The following KCNIP4 variants were observed in gnomAD, a reference collection of about 807,000 sequenced individuals.
KCNIP4 encodes potassium voltage-gated channel interacting protein 4.
In KCNIP4, 12 loss-of-function variants were observed where a neutral mutation model predicts 34.0. That is an observed-to-expected ratio of 0.35 (90% confidence interval 0.23 to 0.57). The LOEUF is 0.57. Ranked by LOEUF, KCNIP4 falls within the 20% of genes least tolerant of loss-of-function variation. The pLI is 0.83. For synonymous variants in KCNIP4, 124 were observed against 102.2 expected (o/e 1.21, Z -1.29); for missense variants, 238 against 311.7 (o/e 0.76, Z 1.78).
At chr4:21,701,205 T>C (rs1428588543) in intron 1 of KCNIP4, among the ~76,000 whole-genome samples, 1 of 152,094 alleles carries the variant, frequency 6.6e-6, no homozygotes, top group Non-Finnish European at 1.5e-5. Context: ...TCTAGAAAAG[T>C]TGAACTCATA....
intron 1 of KCNIP4, among the ~76,000 whole-genome samples, chr4:21,344,853 T>C (rs1042504047): frequency 1.3e-5 from 2 of 152,204 alleles, no homozygotes. Flanking sequence ...CTGACTCCTA[T>C]GTTAGTGCTC....
At chr4:21,631,700 C>A (rs1206847809) in intron 1 of KCNIP4, among the ~76,000 whole-genome samples, 1 of 152,128 alleles carries the variant, frequency 6.6e-6, no homozygotes, top group Non-Finnish European at 1.5e-5. Context: ...TTTATGTGCC[C>A]ATATTCTGGA....
chr4:21,369,844 CG>C (rs1720156975), intron 1 of KCNIP4, among the ~76,000 whole-genome samples: 17 of 132,190 alleles, frequency 1.3e-4, no homozygotes, highest in Non-Finnish European at 1.8e-4. Flanking sequence ...TTTTTTTAGA[CG>C]GAGTCTTGCT....
At chr4:20,855,844 C>A (rs1721515124) in intron 2 of KCNIP4, among the ~76,000 whole-genome samples, 1 of 151,938 alleles carries the variant, frequency 6.6e-6, no homozygotes. Context: ...TAGAAAAGGA[C>A]ATGGAAAGAT....
chr4:21,460,501 T>C (rs1729364215), intron 1 of KCNIP4, among the ~76,000 whole-genome samples: 1 of 152,066 alleles, frequency 6.6e-6, no homozygotes, highest in Non-Finnish European at 1.5e-5. Context: ...GTTGGGAAGA[T>C]CATGATATGG....
chr4:21,625,282 G>T (rs1745248333), intron 1 of KCNIP4, among the ~76,000 whole-genome samples: 1 of 152,056 alleles, frequency 6.6e-6, no homozygotes, highest in East Asian at 1.9e-4. Context: ...AGGGTATGCT[G>T]AATGTTAAAT....
rs1307025846 is a variant in KCNIP4 at position 21,047,538 on chromosome 4, TC to T, written c.62-164830del. 3.3e-5 allele frequency among the ~76,000 whole-genome samples: 5 copies of T among 152,280 alleles called. No individual in the cohort carries two copies. In the East Asian group the frequency reaches 9.7e-4, roughly 29 times the overall value. On this transcript the variant is annotated intron_variant, in intron 1 of 8. Coordinates refer to ENST00000382152, the MANE Select transcript of KCNIP4 (RefSeq NM_025221.6). ...GTCACAGAGACTTGAATGGTGAGTC[TC>T]ATTTACATAAATAGAAAGCAGAAGA... is the stretch of plus-strand genomic sequence containing the variant.
intron 1 of KCNIP4, among the ~76,000 whole-genome samples, chr4:21,053,089 T>C (rs2108952327): frequency 6.6e-6 from 1 of 152,146 alleles, no homozygotes; most frequent in South Asian, 2.1e-4. Flanking sequence ...ATCTGATCTG[T>C]AATTGTATCC....
chr4:21,166,119 G>T (rs889710736), intron 1 of KCNIP4, among the ~76,000 whole-genome samples: 2 of 152,162 alleles, frequency 1.3e-5, no homozygotes, highest in African/African-American at 4.8e-5. Flanking sequence ...AAATTACCCA[G>T]TCTAAGGTTT....
chr4:21,135,377 C>T (rs1751424697), intron 1 of KCNIP4, among the ~76,000 whole-genome samples: 1 of 152,106 alleles, frequency 6.6e-6, no homozygotes, highest in South Asian at 2.1e-4. Flanking sequence ...GTCTATTGGA[C>T]CCCTAAAGTA....
chr4:20,854,800 G>T (rs1721398616), intron 2 of KCNIP4, among the ~76,000 whole-genome samples: 1 of 152,112 alleles, frequency 6.6e-6, no homozygotes, highest in Non-Finnish European at 1.5e-5. Flanking sequence ...GATGGTTGGG[G>T]GCCTAGAGGA....
At chr4:21,705,984 T>C (rs1488961886) in intron 1 of KCNIP4, among the ~76,000 whole-genome samples, 1 of 152,176 alleles carries the variant, frequency 6.6e-6, no homozygotes, top group East Asian at 1.9e-4. Flanking sequence ...CCTATATTTG[T>C]GTATTGTTGG....
intron 1 of KCNIP4, among the ~76,000 whole-genome samples, chr4:21,674,108 A>C (rs954837766): frequency 2.0e-5 from 3 of 152,248 alleles, no homozygotes; most frequent in African/African-American, 7.2e-5. Context: ...AGAGAGGAGA[A>C]TATTAATGAC....
chr4:21,546,698 G>A (rs1480158226), intron 1 of KCNIP4, among the ~76,000 whole-genome samples: 1 of 152,012 alleles, frequency 6.6e-6, no homozygotes, highest in Non-Finnish European at 1.5e-5. Context: ...TTTATGTTGT[G>A]GAATGTCTGA....
At chr4:21,459,123 A>C (rs1476099381) in intron 1 of KCNIP4, among the ~76,000 whole-genome samples, 1 of 151,978 alleles carries the variant, frequency 6.6e-6, no homozygotes, top group Admixed American at 6.6e-5. Flanking sequence ...ACTGTTTCAA[A>C]CTTCTCAAAA....
chr4:20,858,242 A>AAAAG (rs1721823865), intron 2 of KCNIP4, among the ~76,000 whole-genome samples: 1 of 140,860 alleles, frequency 7.1e-6, no homozygotes, highest in African/African-American at 2.7e-5. Context: ...AAAAAAAAAA[A>AAAAG]GAGGAAGACA....
chr4:21,288,394 C>T (rs1323948293), intron 1 of KCNIP4, among the ~76,000 whole-genome samples: 2 of 152,042 alleles, frequency 1.3e-5, no homozygotes, highest in African/African-American at 4.8e-5. Flanking sequence ...ACAGAAGTCC[C>T]TATCATTATT....
At chr4:21,336,695 C>T (rs1716212613) in intron 1 of KCNIP4, among the ~76,000 whole-genome samples, 1 of 152,032 alleles carries the variant, frequency 6.6e-6, no homozygotes, top group South Asian at 2.1e-4. Flanking sequence ...AGCCCTCACT[C>T]CTGCCGTCTG....
At chr4:20,945,825 T>C (rs543237044) in intron 1 of KCNIP4, among the ~76,000 whole-genome samples, 1 of 152,316 alleles carries the variant, frequency 6.6e-6, no homozygotes, top group Admixed American at 6.5e-5. Context: ...TCAGATGATG[T>C]TCGATTTGGG....
Sources: allele counts gnomAD v4.1 joint callset (sites outside exome capture counted in the v4.1 genomes callset), GRCh38; gene constraint gnomAD v4.1.1; transcripts MANE v1.5; gene names NCBI Gene and HGNC (gene_info 2026-07-23, HGNC 2026-07-21).